MOB3B: variants seen among roughly 807,000 people sequenced by gnomAD.
The protein encoded by MOB3B is MOB kinase activator 3B, also known as MOB kinase activator-like 2B.
In MOB3B, 7 loss-of-function variants were observed where a neutral mutation model predicts 18.7. The observed-to-expected ratio is 0.37, with a 90% CI of 0.21 to 0.70. MOB3B has a LOEUF of 0.70. MOB3B is among the 30% of genes least tolerant of loss of function. MOB3B has a pLI of 0.52. For synonymous variants in MOB3B, 111 were observed against 99.9 expected (o/e 1.11, Z -0.66); for missense variants, 253 against 281.3 (o/e 0.90, Z 0.72).
At chr9:27,338,604 C>A (rs187955015) in intron 3 of MOB3B, among the ~76,000 whole-genome samples, 1 of 152,134 alleles carries the variant, frequency 6.6e-6, no homozygotes, top group Admixed American at 6.6e-5. Flanking sequence ...ACAAAACATC[C>A]CAAACAACTC....
At chr9:27,477,131 T>C (rs1819565255) in intron 1 of MOB3B, among the ~76,000 whole-genome samples, 1 of 152,220 alleles carries the variant, frequency 6.6e-6, no homozygotes, top group African/African-American at 2.4e-5. Flanking sequence ...AATACTCCTC[T>C]GCAGCCATCT....
At chr9:27,524,822 G>C (rs200699594) in intron 1 of MOB3B, 28 of 1,614,006 alleles carry the variant, frequency 1.7e-5, no homozygotes, top group Non-Finnish European at 2.2e-5. Context: ...GCCTGGAACT[G>C]AGGAGATATT....
intron 2 of MOB3B, among the ~76,000 whole-genome samples, chr9:27,438,609 C>T (rs1247170632): frequency 1.3e-5 from 2 of 152,182 alleles, no homozygotes; most frequent in South Asian, 2.1e-4. Flanking sequence ...AAAACCTGAG[C>T]TCCAGTTTTG....
chr9:27,495,846 A>T (rs1433540209), intron 1 of MOB3B, among the ~76,000 whole-genome samples: 1 of 152,224 alleles, frequency 6.6e-6, no homozygotes, highest in Non-Finnish European at 1.5e-5. Flanking sequence ...AGAAAGATAA[A>T]GTTTCAAGAG....
chr9:27,521,263 A>C (rs1262579055), intron 1 of MOB3B, among the ~76,000 whole-genome samples: 1 of 152,210 alleles, frequency 6.6e-6, no homozygotes, highest in African/African-American at 2.4e-5. Flanking sequence ...TATAATATGG[A>C]ATTATAGTAA....
intron 2 of MOB3B, among the ~76,000 whole-genome samples, chr9:27,383,190 CT>C (rs1821604362): frequency 6.6e-6 from 1 of 152,140 alleles, no homozygotes; most frequent in African/African-American, 2.4e-5. Flanking sequence ...TATGCAACCT[CT>C]CTGTGCCTTG....
At chr9:27,458,036 T>TA (rs1459416549) in intron 1 of MOB3B, among the ~76,000 whole-genome samples, 2 of 152,230 alleles carry the variant, frequency 1.3e-5, no homozygotes, top group Non-Finnish European at 2.9e-5. Flanking sequence ...ACTTGTTTTT[T>TA]AAAAAAACAG....
At chr9:27,441,523 G>C (rs1822594241) in intron 2 of MOB3B, among the ~76,000 whole-genome samples, 1 of 152,162 alleles carries the variant, frequency 6.6e-6, no homozygotes, top group Non-Finnish European at 1.5e-5. Context: ...AATGAGCAAT[G>C]GGCAGGTAGA....
At chr9:27,480,756 A>G (rs1484298919) in intron 1 of MOB3B, among the ~76,000 whole-genome samples, 1 of 152,218 alleles carries the variant, frequency 6.6e-6, no homozygotes, top group East Asian at 1.9e-4. Context: ...CTAAAGTAGT[A>G]GAAGAAAGGA....
rs938775133 is a variant in MOB3B at position 27,450,682 on chromosome 9, G to A, written c.418+4451C>T. 6.6e-5 allele frequency among the ~76,000 whole-genome samples: 10 copies of A among 152,262 alleles called. No homozygotes were observed. The Middle Eastern group carries it at 0.014, about 207-fold the overall frequency. Reference sequence around the variant, plus strand: ...TGAAATAATAATACATGCTATGAATGGCAGCATAGGACAAAGGCACAGATT... The same window carrying A: ...TGAAATAATAATACATGCTATGAATAGCAGCATAGGACAAAGGCACAGATT... On this transcript the variant is annotated intron_variant, in intron 2 of 3. Transcript: ENST00000262244.
chr9:27,481,779 C>A (rs1031935460), intron 1 of MOB3B, among the ~76,000 whole-genome samples: 4 of 152,104 alleles, frequency 2.6e-5, no homozygotes, highest in Non-Finnish European at 5.9e-5. Context: ...CCCGCCTCGG[C>A]CTCCCAAAGT....
chr9:27,416,543 A>ATTTTTT (rs1563863338), intron 2 of MOB3B, among the ~76,000 whole-genome samples: 7 of 74,318 alleles, frequency 9.4e-5, no homozygotes, highest in Non-Finnish European at 1.6e-4. Context: ...ATTTCTTTTT[A>ATTTTTT]ATTTTTTTTT....
chr9:27,455,738 C>T lies in MOB3B; in HGVS notation c.-188G>A. The T allele has an allele frequency of 6.9e-7, 1 of 1,442,680 alleles. No individual in the cohort carries two copies. Among genetic ancestry groups the T allele is most frequent in the African/African-American group, 1.4e-5 (1 of 70,042 alleles). The allele number at this position is 1,442,680 out of a possible 1,614,324, so 89.4% of individuals were successfully genotyped here. A position where few individuals can be genotyped will look rare whatever the true frequency, so the allele number is the denominator to read the frequency against. ...TCTTGAATGATTTCCAAGGGAACCTCATGTTCTTTCCTAAAGGTAGAAGAG... is the reference window on the plus strand; with the variant it reads ...TCTTGAATGATTTCCAAGGGAACCTTATGTTCTTTCCTAAAGGTAGAAGAG... On this transcript the variant is annotated 5_prime_UTR_variant, in exon 2 of 4. An upstream start codon of the reference 5' UTR is lost. Transcript: ENST00000262244.
intron 2 of MOB3B, among the ~76,000 whole-genome samples, chr9:27,430,455 G>A (rs762598621): frequency 6.6e-6 from 1 of 152,170 alleles, no homozygotes; most frequent in Non-Finnish European, 1.5e-5. Flanking sequence ...AGGACCAGGC[G>A]GGGAGGGTAG....
chr9:27,371,903 T>C (rs771927316), intron 2 of MOB3B, among the ~76,000 whole-genome samples: 19 of 152,192 alleles, frequency 1.2e-4, no homozygotes, highest in Non-Finnish European at 2.4e-4. Flanking sequence ...CTAAAAAATT[T>C]TCAAACGTTT....
intron 1 of MOB3B, among the ~76,000 whole-genome samples, chr9:27,514,541 G>T (rs937724649): frequency 6.6e-6 from 1 of 152,184 alleles, no homozygotes; most frequent in Non-Finnish European, 1.5e-5. Context: ...GAATTAAAGA[G>T]AGTTGTGTCT....
At chr9:27,457,105 C>T (rs1159690789) in intron 1 of MOB3B, among the ~76,000 whole-genome samples, 1 of 152,204 alleles carries the variant, frequency 6.6e-6, no homozygotes, top group East Asian at 1.9e-4. Flanking sequence ...AGATTGAAAT[C>T]CAGTTTGTTG....
At chr9:27,453,859 A>C (rs562064133) in intron 2 of MOB3B, among the ~76,000 whole-genome samples, 9 of 152,354 alleles carry the variant, frequency 5.9e-5, no homozygotes, top group African/African-American at 1.9e-4. Flanking sequence ...AGTGCAAAAG[A>C]CATGAACCTA....
At chr9:27,359,384 G>A (rs541354630) in intron 2 of MOB3B, 148 bp from the exon 3 acceptor site, 3 of 634,064 alleles carry the variant, frequency 4.7e-6, no homozygotes, top group Non-Finnish European at 8.1e-6. Context: ...TGTGTGGGGG[G>A]GGGGGGTTGG....
Sources: gnomAD v4.1 joint callset for allele counts (sites outside exome capture counted in the v4.1 genomes callset) on GRCh38, gnomAD v4.1.1 for gene constraint, MANE v1.5 for transcripts, NCBI Gene and HGNC (gene_info 2026-07-23, HGNC 2026-07-21) for gene names.